Variants in NUP88 observed in about 807,000 individuals in gnomAD.
NUP88 encodes the protein nuclear pore complex protein Nup88.
In NUP88, 57 loss-of-function variants were observed where a neutral mutation model predicts 93.9. That is an observed-to-expected ratio of 0.61 (90% CI 0.49 to 0.76). The LOEUF is 0.76. Ranked by LOEUF, NUP88 falls within the 30% of genes least tolerant of loss-of-function variation. The pLI is 0.00. For synonymous variants in NUP88, 346 were observed against 336.8 expected (o/e 1.03, Z -0.30); for missense variants, 911 against 901.0 (o/e 1.01, Z -0.14).
chr17:5,408,719 C>T lies in NUP88; in HGVS notation c.857+14G>A, dbSNP rs1913643318. The T allele has an allele frequency of 3.8e-6, 6 of 1,570,010 alleles. No individual in the cohort carries two copies. The highest frequency in any genetic ancestry group is 2.8e-5 in the African/African-American group (2 of 72,620). On this transcript the variant is annotated intron_variant, in intron 5 of 16. Transcript: ENST00000573584. Reference sequence around the variant, plus strand: ...CTGAGTTTTCATTTCAGGTGGGTGACCACCTCAACTTACCTGTGTAACAGA... The same window carrying T: ...CTGAGTTTTCATTTCAGGTGGGTGATCACCTCAACTTACCTGTGTAACAGA...
rs961577942 is a variant in NUP88, at chr17:5,414,385, G to A, written c.468-251C>T. On this transcript the variant is annotated intron_variant, in intron 2 of 16. Coordinates refer to ENST00000573584, the MANE Select transcript of NUP88 (RefSeq NM_002532.6). ...GAACTTTGTATTTTCAGTAGAGAGGGGGTTTCTCCATGTTGGTCAGGCTGG... is the reference window on the plus strand; with the variant it reads ...GAACTTTGTATTTTCAGTAGAGAGGAGGTTTCTCCATGTTGGTCAGGCTGG... Among the ~76,000 whole-genome samples, 6 of 151,876 alleles carry A rather than the reference G, an allele frequency of 4.0e-5. No individual in the cohort carries two copies. The South Asian group carries it at 8.3e-4, about 21-fold the overall frequency.
At chr17:5,392,028 G>A (rs147227521) in intron 9 of NUP88, among the ~76,000 whole-genome samples, 1 of 152,196 alleles carries the variant, frequency 6.6e-6, no homozygotes, top group Non-Finnish European at 1.5e-5. Context: ...CAGAACTACC[G>A]AGTCTCTCTC....
intron 8 of NUP88, among the ~76,000 whole-genome samples, chr17:5,395,973 G>A (rs908763985): frequency 5.3e-5 from 8 of 152,288 alleles, no homozygotes; most frequent in African/African-American, 1.4e-4. Flanking sequence ...CACTTTCGGA[G>A]GCCAAGGTGG....
At chr17:5,389,775 CAAAAAAAA>C (rs58723410) in intron 10 of NUP88, among the ~76,000 whole-genome samples, 1 of 76,590 alleles carries the variant, frequency 1.3e-5, no homozygotes, top group South Asian at 4.8e-4. Context: ...GACTCTGTCT[CAAAAAAAA>C]AAAAAAAAAA....
chr17:5,408,796 T>A lies in NUP88; in HGVS notation c.794A>T (p.Tyr265Phe). The change falls in exon 5 of 17, where the codon TAC becomes TTC. Residue 265 changes from tyrosine to phenylalanine, a missense_variant. Physicochemically the swap from Tyr to Phe is conservative, Grantham distance 22 (BLOSUM62 3). Transcript: ENST00000573584. The part of the protein sequence containing the change: ...GQNGKDEVVA[Y>F]PLYILYENGE... ...ATTTTCATATAAGATGTACAGTGGGTATGCCACTACTTCATCTTTGCCGTT... is the reference window on the plus strand; with the variant it reads ...ATTTTCATATAAGATGTACAGTGGGAATGCCACTACTTCATCTTTGCCGTT... The A allele has an allele frequency of 6.2e-7, 1 of 1,613,776 alleles. No individual in the cohort carries two copies. The highest frequency in any genetic ancestry group is 8.5e-7 in the Non-Finnish European group (1 of 1,179,690).
intron 9 of NUP88, among the ~76,000 whole-genome samples, chr17:5,394,486 C>T (rs975853487): frequency 4.6e-5 from 7 of 151,892 alleles, no homozygotes; most frequent in African/African-American, 1.7e-4. Flanking sequence ...CCGGTAGTGG[C>T]GACAGACATT....
At chr17:5,389,513 C>G (rs1259263946) in intron 10 of NUP88, among the ~76,000 whole-genome samples, 1 of 152,212 alleles carries the variant, frequency 6.6e-6, no homozygotes, top group Non-Finnish European at 1.5e-5. Flanking sequence ...CGTGGTGGCT[C>G]ACGCCTGTAA....
At chr17:5,399,962 A>G (rs1162138171) in intron 7 of NUP88, among the ~76,000 whole-genome samples, 1 of 152,120 alleles carries the variant, frequency 6.6e-6, no homozygotes, top group Non-Finnish European at 1.5e-5. Context: ...TTATGTTTAC[A>G]CTATGCAGAA....
chr17:5,417,706 G>C (rs1308015845), intron 1 of NUP88, among the ~76,000 whole-genome samples: 1 of 151,998 alleles, frequency 6.6e-6, no homozygotes, highest in African/African-American at 2.4e-5. Context: ...GGGTACGGTG[G>C]AGTGGGCCTG....
At chr17:5,414,923 C>CTTGT in intron 2 of NUP88, among the ~76,000 whole-genome samples, 1 of 151,672 alleles carries the variant, frequency 6.6e-6, no homozygotes, top group East Asian at 2.0e-4. Flanking sequence ...GCTGAGATCA[C>CTTGT]GCCACTGCAC....
At position 5,410,790 on chromosome 17, in the gene NUP88, C is replaced by T; in HGVS notation, c.594-1G>A. 1 of 1,592,204 alleles carries T rather than the reference C, an allele frequency of 6.3e-7. No individual in the cohort carries two copies. The highest frequency in any genetic ancestry group is 8.6e-7 in the Non-Finnish European group (1 of 1,168,166). On this transcript the variant is annotated splice_acceptor_variant, in intron 3 of 16. Transcript: ENST00000573584. LOFTEE classifies it high-confidence loss of function. The stretch of plus-strand genomic sequence containing the variant: ...CTGCGGCTCACGTAGTGAGTAAATT[C>T]TAGCAACCAAAAGAGAAGAAAACCA...
intron 8 of NUP88, 120 bp downstream of exon 8, chr17:5,399,432 A>T: frequency 3.4e-6 from 2 of 587,666 alleles, no homozygotes; most frequent in East Asian, 5.8e-5. Flanking sequence ...CTTTTCAAAG[A>T]ACCTTTCGGT....
chr17:5,394,906 T>C lies in NUP88; in HGVS notation c.1367A>G (p.Lys456Arg). The C allele has an allele frequency of 1.9e-6, 3 of 1,612,932 alleles. No individual in the cohort carries two copies. The highest frequency in any genetic ancestry group is 2.5e-6 in the Non-Finnish European group (3 of 1,178,872). Residue 456 changes from lysine (K) to arginine (R), a missense_variant, in exon 9 of 17, where the codon AAG (lysine) becomes AGG (arginine). Coordinates refer to ENST00000573584, the MANE Select transcript of NUP88 (RefSeq NM_002532.6). The stretch of plus-strand genomic sequence containing the variant: ...GAGTCCTTACCTGCAGGGCAATGGC[T>C]TCGTACAAAGGATGTGTTCAACAAA... ...KCFVEHILCT[K>R]PLPCRQPAPI...
intron 8 of NUP88, among the ~76,000 whole-genome samples, chr17:5,395,324 A>T (rs1015627105): frequency 4.6e-5 from 7 of 150,820 alleles, no homozygotes; most frequent in Non-Finnish European, 8.9e-5. Context: ...TGGATTTCAC[A>T]TTTTTTTTTT....
At chr17:5,390,528 A>C (rs950157486) in intron 10 of NUP88, among the ~76,000 whole-genome samples, 1 of 152,106 alleles carries the variant, frequency 6.6e-6, no homozygotes. Flanking sequence ...TGAACGGACA[A>C]GGGGTGGGGG....
At chr17:5,402,036 G>A (rs1377460978) in intron 7 of NUP88, among the ~76,000 whole-genome samples, 1 of 152,168 alleles carries the variant, frequency 6.6e-6, no homozygotes, top group Non-Finnish European at 1.5e-5. Context: ...CCAAGAAAAG[G>A]CTGGGCATGG....
intron 1 of NUP88, among the ~76,000 whole-genome samples, chr17:5,419,102 CTTTG>C (rs1411324941): frequency 4.6e-5 from 7 of 152,216 alleles, no homozygotes; most frequent in South Asian, 4.1e-4. Context: ...CTTTAGCCCG[CTTTG>C]TTTTTCTCCA....
Position 5,386,269 on chromosome 17 carries a change from C to A in NUP88, c.2163G>T (p.Glu721Asp). 6.2e-7 allele frequency: 1 copy of A among 1,606,066 alleles called. No individual in the cohort carries two copies. The highest frequency in any genetic ancestry group is 2.2e-5 in the East Asian group (1 of 44,716). The change falls in exon 17 of 17, where the codon GAG (glutamate) becomes GAT (aspartate). Residue 721 changes from glutamate (E) to aspartate (D), a missense_variant and splice_region_variant. Glu to Asp is a conservative substitution (Grantham distance 45). Transcript: ENST00000573584. ...RKCIQSILKE[E>D]GEHIREMVKQ... The stretch of plus-strand genomic sequence containing the variant: ...TCACCATTTCCCTTATATGTTCACC[C>A]CTGTAAAATTGTAAAGTCACTCACT...
chr17:5,408,965 A>AG, intron 4 of NUP88, 56 bp from the exon 5 acceptor site: 1 of 1,455,418 alleles, frequency 6.9e-7, no homozygotes, highest in South Asian at 1.4e-5. Context: ...AAAAGTAAAA[A>AG]GAAAAACAAA....
Sources: gnomAD v4.1 joint callset for allele counts (sites outside exome capture counted in the v4.1 genomes callset) on GRCh38, gnomAD v4.1.1 for gene constraint, MANE v1.5 for transcripts, NCBI Gene and HGNC (gene_info 2026-07-23, HGNC 2026-07-21) for gene names.